ACVR1B: variants seen among roughly 807,000 people sequenced by gnomAD.
The protein encoded by ACVR1B is activin A receptor type 1B.
In ACVR1B, 15 loss-of-function variants were observed where a neutral mutation model predicts 55.6. That is an observed-to-expected ratio of 0.27 (90% CI 0.18 to 0.42). ACVR1B has a LOEUF of 0.42. ACVR1B is among the 10% of genes least tolerant of loss of function. The pLI is 1.00. For synonymous variants in ACVR1B, 247 were observed against 254.6 expected (o/e 0.97, Z 0.28); for missense variants, 359 against 670.1 (o/e 0.54, Z 5.13).
chr12:51,994,031 A>T lies in ACVR1B; in HGVS notation c.1439A>T (p.Asn480Ile). The change falls in exon 9 of 9, where the codon AAC becomes ATC. Residue 480 changes from asparagine (N) to isoleucine (I), a missense_variant. Transcript: ENST00000257963. This position sits in a 1 kb window ranked among gnomAD's most constrained non-coding sequence, Gnocchi z 4.2. ...ATGATGCGAGAGTGTTGGTATGCCA[A>T]CGGCGCAGCCCGCCTGACGGCCCTG... is the stretch of plus-strand genomic sequence containing the variant. ...GKMMRECWYA[N>I]GAARLTALRI... The T allele has an allele frequency of 6.2e-7, 1 of 1,614,142 alleles. No individual in the cohort carries two copies. The highest frequency in any genetic ancestry group is 8.5e-7 in the Non-Finnish European group (1 of 1,180,036).
intron 1 of ACVR1B, chr12:51,953,328 A>T (rs565817940): frequency 6.9e-5 from 68 of 985,168 alleles, no homozygotes; most frequent in Non-Finnish European, 7.6e-5. Flanking sequence ...TCCGGCTTTG[A>T]TATTTGTTCC....
In ACVR1B at chr12:51,986,860, A is replaced by G. The variant is rs943401936; in HGVS notation, c.1179A>G (p.Lys393=). The change falls in exon 7 of 9, where the codon AAA becomes AAG. Residue 393 remains lysine (K), a synonymous_variant. Coordinates refer to ENST00000257963, the MANE Select transcript of ACVR1B (RefSeq NM_004302.5). ...PEVLDETINM[K]HFDSFKCADI... ...TACTTGATGAAACCATTAATATGAA[A>G]CACTTTGACTCCTTTAAATGTGCTG... is the stretch of plus-strand genomic sequence containing the variant. 1 of 1,614,026 alleles carries G rather than the reference A, an allele frequency of 6.2e-7. No homozygotes were observed. The highest frequency in any genetic ancestry group is 1.7e-5 in the Admixed American group (1 of 59,998).
chr12:51,976,456 G>A lies in ACVR1B; in HGVS notation c.461G>A (p.Arg154His), dbSNP rs1286817470. 4.3e-6 allele frequency: 7 copies of A among 1,614,090 alleles called. No homozygotes were observed. Among genetic ancestry groups the A allele is most frequent in the Non-Finnish European group, 5.1e-6 (6 of 1,180,030 alleles). Residue 154 changes from arginine (R) to histidine (H), a missense_variant, in exon 3 of 9, where the codon CGT (arginine) becomes CAT (histidine). Coordinates refer to ENST00000257963, the MANE Select transcript of ACVR1B (RefSeq NM_004302.5). ...IVFLVINYHQ[R>H]VYHNRQRLDM... ...TTCCTTGTCATTAACTATCATCAGC[G>A]TGTCTATCACAACCGCCAGAGACTG...
intron 3 of ACVR1B, among the ~76,000 whole-genome samples, chr12:51,977,914 T>C (rs556196180): frequency 6.6e-6 from 1 of 151,954 alleles, no homozygotes; most frequent in African/African-American, 2.4e-5. Context: ...CCATTCTAGC[T>C]AAAACGCAGA....
intron 1 of ACVR1B, among the ~76,000 whole-genome samples, chr12:51,956,761 C>CT (rs1021426199): frequency 9.9e-5 from 15 of 151,490 alleles, no homozygotes; most frequent in Admixed American, 2.6e-4. Flanking sequence ...TTATGTGTTT[C>CT]TTTTTTTTTC....
intron 1 of ACVR1B, among the ~76,000 whole-genome samples, chr12:51,965,634 C>T (rs183559407): frequency 1.3e-5 from 2 of 152,170 alleles, no homozygotes; most frequent in African/African-American, 4.8e-5. Flanking sequence ...CATGTGAGAT[C>T]GTTCAGCGAG....
At chr12:51,978,829 CAA>C (rs34088542) in intron 3 of ACVR1B, among the ~76,000 whole-genome samples, 30 of 48,280 alleles carry the variant, frequency 6.2e-4, no homozygotes, top group African/African-American at 1.5e-3. Flanking sequence ...GACTCCGTCT[CAA>C]AAAAAAAAAA....
At chr12:51,982,701 T>A (rs2120677933) in intron 4 of ACVR1B, 2 of 1,532,224 alleles carry the variant, frequency 1.3e-6, no homozygotes, top group East Asian at 2.5e-5. Context: ...TGCTCATTCC[T>A]CACATTGCCA....
intron 7 of ACVR1B, among the ~76,000 whole-genome samples, chr12:51,989,002 C>T (rs1435407834): frequency 3.3e-5 from 5 of 152,250 alleles, no homozygotes; most frequent in Middle Eastern, 3.4e-3. Flanking sequence ...TGGTGGCTCA[C>T]GCCTGTAATC....
intron 8 of ACVR1B, among the ~76,000 whole-genome samples, chr12:51,992,681 A>G (rs995406537): frequency 1.3e-5 from 2 of 152,206 alleles, no homozygotes; most frequent in African/African-American, 4.8e-5. Context: ...CTGAGACCAG[A>G]CAGAGGAGGA....
intron 1 of ACVR1B, among the ~76,000 whole-genome samples, chr12:51,956,039 G>C (rs552820154): frequency 1.3e-5 from 2 of 152,310 alleles, no homozygotes; most frequent in African/African-American, 4.8e-5. Context: ...TGGAGAAATG[G>C]TGTGCTAAGC....
intron 1 of ACVR1B, among the ~76,000 whole-genome samples, chr12:51,955,120 G>T (rs1199240489): frequency 5.9e-5 from 9 of 152,178 alleles, no homozygotes; most frequent in Admixed American, 5.9e-4. Flanking sequence ...GCAACTCTGG[G>T]TATGTTTATG....
At chr12:51,975,124 T>G in intron 1 of ACVR1B, 141 bp from the exon 2 acceptor site, 1 of 1,191,854 alleles carries the variant, frequency 8.4e-7, no homozygotes, top group Non-Finnish European at 1.2e-6. Context: ...TGTGCTCAGT[T>G]AAGGATATCT....
At position 51,976,316 on chromosome 12, in the gene ACVR1B, A is replaced by C. The variant is rs113382115; in HGVS notation, c.332-11A>C. On this transcript the variant is annotated splice_polypyrimidine_tract_variant and intron_variant, in intron 2 of 8. Coordinates refer to ENST00000257963, the MANE Select transcript of ACVR1B (RefSeq NM_004302.5). The stretch of plus-strand genomic sequence containing the variant: ...TCTCATTCTTTCCCTCTCCTCTCTC[A>C]CTTGACTCAGGTCACCTCAAGGAGC... The C allele has an allele frequency of 6.2e-7, 1 of 1,613,662 alleles. No homozygotes were observed. The highest frequency in any genetic ancestry group is 8.5e-7 in the Non-Finnish European group (1 of 1,179,832).
At chr12:51,962,917 A>G (rs968722021) in intron 1 of ACVR1B, among the ~76,000 whole-genome samples, 4 of 152,214 alleles carry the variant, frequency 2.6e-5, no homozygotes, top group African/African-American at 4.8e-5. Context: ...CAGGTGCTGT[A>G]CTAGATACCA....
At chr12:51,985,577 T>TG (rs1942060773) in intron 6 of ACVR1B, among the ~76,000 whole-genome samples, 1 of 152,174 alleles carries the variant, frequency 6.6e-6, no homozygotes, top group Non-Finnish European at 1.5e-5. Flanking sequence ...GTATGCACAT[T>TG]GGTGTTGGTG....
intron 1 of ACVR1B, among the ~76,000 whole-genome samples, chr12:51,968,405 A>T (rs1340416283): frequency 1.3e-5 from 2 of 152,226 alleles, no homozygotes; most frequent in African/African-American, 4.8e-5. Flanking sequence ...TTTATTCTAA[A>T]TTTAAGTAGT....
intron 4 of ACVR1B, chr12:51,982,865 T>G: frequency 7.0e-7 from 1 of 1,421,046 alleles, no homozygotes. Flanking sequence ...TCTTATATGT[T>G]TTAAAAGGAT....
At chr12:51,983,157 G>A (rs1334557734) in intron 4 of ACVR1B, among the ~76,000 whole-genome samples, 1 of 152,198 alleles carries the variant, frequency 6.6e-6, no homozygotes, top group Non-Finnish European at 1.5e-5. Flanking sequence ...TGGAATCAGC[G>A]CCAGCCTGGA....
Sources: allele counts gnomAD v4.1 joint callset (sites outside exome capture counted in the v4.1 genomes callset), GRCh38; gene constraint gnomAD v4.1.1; non-coding constraint Gnocchi (gnomAD v3.1); transcripts MANE v1.5; gene names NCBI Gene and HGNC (gene_info 2026-07-23, HGNC 2026-07-21).